MOCOS: variants seen among roughly 807,000 people sequenced by gnomAD.
MOCOS encodes the protein molybdenum cofactor sulfurase.
MOCOS carries 86 observed loss-of-function variants against 83.6 expected under a neutral mutation model. That is an observed-to-expected ratio of 1.03 (90% CI 0.86 to 1.23). The LOEUF (loss-of-function observed/expected upper bound fraction) is 1.23, where lower values mean the gene tolerates loss of function less well. Ranked by LOEUF, MOCOS falls within the 50% of genes most tolerant of loss-of-function variation. The pLI is 0.00. For missense variants in MOCOS, 1,120 were observed against 1,126.9 expected (o/e 0.99, Z 0.09); for synonymous variants, 445 against 434.7 (o/e 1.02, Z -0.29).
At chr18:36,229,987 G>T (rs1261970942) in intron 9 of MOCOS, among the ~76,000 whole-genome samples, 1 of 151,980 alleles carries the variant, frequency 6.6e-6, no homozygotes, top group Non-Finnish European at 1.5e-5. Context: ...TGTTTCATTA[G>T]GGTCAGTTGC....
chr18:36,269,462 T>C lies in MOCOS; in HGVS notation c.*777T>C, dbSNP rs1161164553. On this transcript the variant is annotated 3_prime_UTR_variant, in exon 15 of 15. Transcript: ENST00000261326. ...CCAAATCCTATCGAGGGAGGAACTT[T>C]GGCATTCAGGAATCCTGTCTGTATC... The C allele has an allele frequency of 2.0e-5, 3 of 152,302 alleles. No homozygotes were observed. The highest frequency in any genetic ancestry group is 7.2e-5 in the African/African-American group (3 of 41,468). 9.4% of individuals were successfully genotyped at this position (152,302 alleles called of 1,614,324 possible).
At chr18:36,257,335 C>G (rs1383362689) in intron 12 of MOCOS, among the ~76,000 whole-genome samples, 2 of 152,188 alleles carry the variant, frequency 1.3e-5, no homozygotes, top group Non-Finnish European at 2.9e-5. Flanking sequence ...CTAGCTCTCA[C>G]TGTTTAATCA....
intron 6 of MOCOS, among the ~76,000 whole-genome samples, chr18:36,207,015 A>G (rs1030620505): frequency 3.3e-5 from 5 of 152,164 alleles, no homozygotes; most frequent in African/African-American, 1.2e-4. Context: ...TAATTAAGGA[A>G]TTGGGATGGC....
In MOCOS at chr18:36,198,721, G is replaced by A; in HGVS notation, c.264G>A (p.Lys88=). The A allele has an allele frequency of 6.2e-7, 1 of 1,614,212 alleles. No homozygotes were observed. The highest frequency in any genetic ancestry group is 8.5e-7 in the Non-Finnish European group (1 of 1,180,038). The change falls in exon 3 of 15, where the codon AAG becomes AAA. Residue 88 remains lysine, a synonymous_variant. Transcript: ENST00000261326. ...GNPHSQNISS[K]LTHDTVEQVR... The stretch of plus-strand genomic sequence containing the variant: ...CTCACAGCCAGAACATCAGCAGCAA[G>A]CTCACCCATGACACTGTGGAGCAGG...
chr18:36,191,656 C>T (rs2091366657), intron 1 of MOCOS, among the ~76,000 whole-genome samples: 1 of 152,192 alleles, frequency 6.6e-6, no homozygotes, highest in African/African-American at 2.4e-5. Flanking sequence ...ATGCTGGTCT[C>T]AAATTCCTGG....
chr18:36,205,141 C>G lies in MOCOS; in HGVS notation c.1083C>G (p.Ser361=). The G allele has an allele frequency of 1.2e-6, 2 of 1,611,176 alleles. No homozygotes were observed. Among genetic ancestry groups the G allele is most frequent in the South Asian group, 1.1e-5 (1 of 90,890 alleles). ...TLAQYTYVAL[S]SLQYPNGAPV... is the part of the protein sequence containing the mutation. The stretch of plus-strand genomic sequence containing the variant: ...CTCAGTATACCTACGTGGCCCTGTC[C>G]TCTCTCCAGTACCCCAATGGAGCCC... Residue 361 remains serine, a synonymous_variant, in exon 6 of 15, where the codon TCC becomes TCG. Transcript: ENST00000261326.
chr18:36,235,585 T>C (rs1259170524), intron 9 of MOCOS, among the ~76,000 whole-genome samples: 5 of 136,974 alleles, frequency 3.7e-5, no homozygotes, highest in Non-Finnish European at 7.8e-5. Context: ...AATGCCGCAA[T>C]AAACATACGT....
chr18:36,195,473 G>C (rs1298089690), intron 2 of MOCOS, 127 bp downstream of exon 2: 3 of 885,516 alleles, frequency 3.4e-6, no homozygotes, highest in South Asian at 2.8e-5. Context: ...CCCCATGTAA[G>C]ATAGGGGCCA....
chr18:36,213,275 T>C (rs1028282784), intron 6 of MOCOS, 91 bp from the exon 7 acceptor site: 74 of 950,264 alleles, frequency 7.8e-5, no homozygotes, highest in Non-Finnish European at 1.2e-4. Flanking sequence ...ATTTTATTAT[T>C]AGGAAAGAGA....
At chr18:36,205,425 C>T in intron 6 of MOCOS, 149 bp downstream of exon 6, 1 of 834,618 alleles carries the variant, frequency 1.2e-6, no homozygotes, top group East Asian at 2.5e-5. Flanking sequence ...CCTCGTTTTT[C>T]AGTCCTCTTT....
At chr18:36,232,299 T>C (rs1002509767) in intron 9 of MOCOS, among the ~76,000 whole-genome samples, 1 of 152,198 alleles carries the variant, frequency 6.6e-6, no homozygotes, top group African/African-American at 2.4e-5. Flanking sequence ...TATTTCATAA[T>C]AATGAGCTTT....
At position 36,199,971 on chromosome 18, in the gene MOCOS, T is replaced by A; in HGVS notation, c.588T>A (p.His196Gln). The A allele has an allele frequency of 6.2e-7, 1 of 1,614,224 alleles. No homozygotes were observed. The highest frequency in any genetic ancestry group is 2.2e-5 in the East Asian group (1 of 44,884). ...SASNPDCQLPHLFCYPAQSNF... is the reference protein window; with the variant it reads ...SASNPDCQLPQLFCYPAQSNF... The stretch of plus-strand genomic sequence containing the variant: ...GCAACCCAGACTGCCAGCTGCCGCA[T>A]CTCTTCTGCTACCCAGCTCAGAGTA... The change falls in exon 4 of 15, where the codon CAT becomes CAA. Residue 196 changes from histidine to glutamine, a missense_variant. His to Gln is a conservative substitution (Grantham distance 24). Transcript: ENST00000261326.
chr18:36,260,319 CT>C, intron 13 of MOCOS, 144 bp downstream of exon 13: 1 of 1,083,326 alleles, frequency 9.2e-7, no homozygotes, highest in Non-Finnish European at 1.4e-6. Context: ...GTTATGTAAG[CT>C]TAGCCTTCTA....
At chr18:36,262,220 TGG>T (rs895410786) in intron 13 of MOCOS, among the ~76,000 whole-genome samples, 78 of 135,148 alleles carry the variant, frequency 5.8e-4, no homozygotes, top group Non-Finnish European at 9.6e-4. Flanking sequence ...TTCACCAGCC[TGG>T]GCAGCATAGC....
At position 36,256,970 on chromosome 18, in the gene MOCOS, C is replaced by T. The variant is rs2091643975; in HGVS notation, c.2167C>T (p.Gln723Ter). The change falls in exon 12 of 15, where the codon CAA becomes TAA. Residue 723 changes from glutamine (Q) to a stop codon, truncating the protein, a stop_gained and splice_region_variant. Transcript: ENST00000261326. LOFTEE classifies it high-confidence loss of function. The stretch of plus-strand genomic sequence containing the variant: ...TTTAAATGCTCCATCATTTTCAGAT[C>T]AACTTCCTGGTACAATGGCCACCCT... ...RNAKKKHGKD[Q>*]LPGTMATLSL... 1 of 1,612,818 alleles carries T rather than the reference C, an allele frequency of 6.2e-7. No individual in the cohort carries two copies. The highest frequency in any genetic ancestry group is 8.5e-7 in the Non-Finnish European group (1 of 1,178,826).
chr18:36,252,951 T>A (rs1310604386), intron 11 of MOCOS, among the ~76,000 whole-genome samples: 1 of 152,198 alleles, frequency 6.6e-6, no homozygotes, highest in Non-Finnish European at 1.5e-5. Flanking sequence ...AGATTTATAC[T>A]CATTTTATTG....
At chr18:36,253,261 T>A (rs1437309130) in intron 11 of MOCOS, among the ~76,000 whole-genome samples, 8 of 152,174 alleles carry the variant, frequency 5.3e-5, no homozygotes, top group Non-Finnish European at 1.2e-4. Flanking sequence ...CAGATAGCAA[T>A]GCTGCAACGT....
chr18:36,268,333 A>G (rs895221794), intron 14 of MOCOS, among the ~76,000 whole-genome samples, 200 bp from the exon 15 acceptor site: 1 of 152,190 alleles, frequency 6.6e-6, no homozygotes, highest in Non-Finnish European at 1.5e-5. Flanking sequence ...ATGCCTTAGA[A>G]TGAGAATCTT....
intron 2 of MOCOS, among the ~76,000 whole-genome samples, chr18:36,197,734 T>C (rs2091395027): frequency 6.6e-6 from 1 of 151,940 alleles, no homozygotes; most frequent in Admixed American, 6.6e-5. Flanking sequence ...GATCAGCCAC[T>C]GTACTCCAGC....
Sources: gnomAD v4.1 joint callset for allele counts (sites outside exome capture counted in the v4.1 genomes callset) on GRCh38, gnomAD v4.1.1 for gene constraint, MANE v1.5 for transcripts, NCBI Gene and HGNC (gene_info 2026-07-23, HGNC 2026-07-21) for gene names.